DCDC1: variants seen among roughly 807,000 people sequenced by gnomAD.
DCDC1 encodes doublecortin domain containing 1.
Under a neutral mutation model 178.3 loss-of-function variants are expected in DCDC1, and 200 were observed. The ratio of observed to expected loss-of-function variants is 1.12; its 90% CI spans 1.00 to 1.26. The LOEUF (loss-of-function observed/expected upper bound fraction) is 1.26. Among genes scored for constraint, DCDC1 ranks in the 50% most tolerant of loss-of-function variants. DCDC1 has a pLI of 0.00. For missense variants in DCDC1, 1,983 were observed against 1,749.2 expected, an observed-to-expected ratio of 1.13 and a Z score of -2.38; for synonymous variants, 690 against 604.8, an observed-to-expected ratio of 1.14 and a Z score of -2.07.
chr11:31,049,960 T>C (rs918915557), intron 20 of DCDC1, among the ~76,000 whole-genome samples: 1 of 152,066 alleles, frequency 6.6e-6, no homozygotes, highest in African/African-American at 2.4e-5. Flanking sequence ...AGGAAATCTC[T>C]AGCTGAACTT....
intron 9 of DCDC1, among the ~76,000 whole-genome samples, chr11:31,222,897 G>A (rs573006111): frequency 1.1e-4 from 16 of 151,988 alleles, no homozygotes; most frequent in South Asian, 8.3e-4. Flanking sequence ...TATAAATTTC[G>A]GGAAGACATA....
At chr11:31,041,736 A>C (rs1954470730) in intron 20 of DCDC1, among the ~76,000 whole-genome samples, 1 of 152,192 alleles carries the variant, frequency 6.6e-6, no homozygotes, top group South Asian at 2.1e-4. Flanking sequence ...CAAGAGAAAA[A>C]GAGATTTTGT....
chr11:30,931,523 T>C (rs1374076450), intron 22 of DCDC1, among the ~76,000 whole-genome samples: 1 of 152,068 alleles, frequency 6.6e-6, no homozygotes, highest in African/African-American at 2.4e-5. Context: ...TTTTTAAAAA[T>C]AGAACTTTTA....
intron 22 of DCDC1, among the ~76,000 whole-genome samples, chr11:30,925,950 A>G (rs1005475272): frequency 2.0e-5 from 3 of 152,134 alleles, no homozygotes; most frequent in Non-Finnish European, 4.4e-5. Context: ...CTGGTTAAAC[A>G]CTGAACACTG....
At chr11:31,068,644 T>G (rs896955629) in intron 18 of DCDC1, among the ~76,000 whole-genome samples, 1 of 152,200 alleles carries the variant, frequency 6.6e-6, no homozygotes, top group African/African-American at 2.4e-5. Flanking sequence ...CAAGAGGTAC[T>G]TTTGCTTATC....
rs1366977743 is a variant in DCDC1, at chr11:31,280,683, C to CT, written c.960+9963dup. ...TGGCAAATTATTACTCATTTAGTAG[C>CT]TTTTTTAAGACAAGCTAACAAGTCT... On this transcript the variant is annotated intron_variant, in intron 7 of 38. Coordinates refer to ENST00000684477, the MANE Select transcript of DCDC1 (RefSeq NM_001387274.1). 6 of 532,072 alleles carry CT rather than the reference C, an allele frequency of 1.1e-5. No individual in the cohort carries two copies. In the African/African-American group the frequency reaches 1.2e-4, roughly 10 times the overall value. The allele number at this position is 532,072 out of a possible 1,614,324, so 33.0% of individuals were successfully genotyped here.
chr11:31,358,789 C>A (rs1951540431), intron 1 of DCDC1, among the ~76,000 whole-genome samples: 1 of 151,818 alleles, frequency 6.6e-6, no homozygotes, highest in Non-Finnish European at 1.5e-5. Flanking sequence ...TGAACAGACA[C>A]TTCTCAAAAG....
intron 18 of DCDC1, among the ~76,000 whole-genome samples, chr11:31,076,187 C>A (rs912425972): frequency 6.6e-6 from 1 of 151,688 alleles, no homozygotes; most frequent in African/African-American, 2.4e-5. Flanking sequence ...TCTTTTTTTT[C>A]TTTAGTTTTG....
intron 20 of DCDC1, among the ~76,000 whole-genome samples, chr11:30,979,520 G>C (rs994863832): frequency 6.6e-6 from 1 of 152,078 alleles, no homozygotes; most frequent in Non-Finnish European, 1.5e-5. Flanking sequence ...AGTGACCAAG[G>C]GTGAGTAGGG....
chr11:30,951,115 C>T (rs1235191048), intron 21 of DCDC1, among the ~76,000 whole-genome samples: 1 of 151,768 alleles, frequency 6.6e-6, no homozygotes, highest in Admixed American at 6.6e-5. Flanking sequence ...CTGCAAGATG[C>T]CAATCCACAG....
chr11:31,005,870 T>G (rs1321136326), intron 20 of DCDC1, among the ~76,000 whole-genome samples: 1 of 151,104 alleles, frequency 6.6e-6, no homozygotes, highest in Non-Finnish European at 1.5e-5. Flanking sequence ...TTTTTGACTT[T>G]GACCCATGGA....
At chr11:30,871,911 T>C (rs1941616572) in intron 38 of DCDC1, among the ~76,000 whole-genome samples, 1 of 151,954 alleles carries the variant, frequency 6.6e-6, no homozygotes, top group South Asian at 2.1e-4. Context: ...TATACACACA[T>C]ATATGTACAC....
chr11:31,034,398 TAATG>T lies in DCDC1; in HGVS notation c.2591+30067_2591+30070del, dbSNP rs1445576527. Among the ~76,000 whole-genome samples the T allele has an allele frequency of 2.6e-4, 40 of 152,292 alleles. No individual in the cohort carries two copies. In the East Asian group the frequency reaches 7.5e-3, roughly 29 times the overall value. Reference sequence around the variant, plus strand: ...AAGTGAACGTTTATAAAGTTTACAGTAATGTACAATAATGTCCTAGATCTTCAAA... The same window carrying T: ...AAGTGAACGTTTATAAAGTTTACAGTTACAATAATGTCCTAGATCTTCAAA... On this transcript the variant is annotated intron_variant, in intron 20 of 38. Coordinates refer to ENST00000684477, the MANE Select transcript of DCDC1 (RefSeq NM_001387274.1).
At chr11:31,173,345 T>A (rs1485652625) in intron 9 of DCDC1, among the ~76,000 whole-genome samples, 1 of 152,214 alleles carries the variant, frequency 6.6e-6, no homozygotes, top group Admixed American at 6.5e-5. Context: ...ACATTGCATT[T>A]ATAAAATAAG....
At chr11:30,969,872 G>A (rs910125850) in intron 20 of DCDC1, among the ~76,000 whole-genome samples, 1 of 151,992 alleles carries the variant, frequency 6.6e-6, no homozygotes, top group African/African-American at 2.4e-5. Flanking sequence ...ATCATTTTTA[G>A]TAACTGCATA....
Position 31,015,683 on chromosome 11 carries a change from G to A in DCDC1, c.2591+48786C>T, listed in dbSNP as rs559283080. On this transcript the variant is annotated intron_variant, in intron 20 of 38. Transcript: ENST00000684477. Reference sequence around the variant, plus strand: ...GGGTATGAATGCGGCGGTTTGGATAGAAGAATGAAGACATCCTTAATACGC... The same window carrying A: ...GGGTATGAATGCGGCGGTTTGGATAAAAGAATGAAGACATCCTTAATACGC... Among the ~76,000 whole-genome samples, 21 of 152,308 alleles carry A rather than the reference G, an allele frequency of 1.4e-4. No individual in the cohort carries two copies. The South Asian group carries it at 3.9e-3, about 29-fold the overall frequency.
chr11:31,111,924 G>C (rs1959182895), intron 11 of DCDC1, among the ~76,000 whole-genome samples: 1 of 152,042 alleles, frequency 6.6e-6, no homozygotes, highest in Non-Finnish European at 1.5e-5. Context: ...GAGACGTCTT[G>C]GTCAACACCT....
At chr11:31,186,736 G>A (rs1040113770) in intron 9 of DCDC1, among the ~76,000 whole-genome samples, 3 of 152,204 alleles carry the variant, frequency 2.0e-5, no homozygotes, top group African/African-American at 7.2e-5. Context: ...GACTGGAGAT[G>A]GCAAAGAAGC....
chr11:30,893,058 G>T, intron 35 of DCDC1, 61 bp from the exon 36 acceptor site: 1 of 1,556,242 alleles, frequency 6.4e-7, no homozygotes, highest in Non-Finnish European at 8.7e-7. Context: ...TGTTTGTGAA[G>T]AATGTGATAA....
Sources: gnomAD v4.1 joint callset for allele counts (sites outside exome capture counted in the v4.1 genomes callset) on GRCh38, gnomAD v4.1.1 for gene constraint, MANE v1.5 for transcripts, NCBI Gene and HGNC (gene_info 2026-07-23, HGNC 2026-07-21) for gene names.